NDRG4: variants seen among roughly 807,000 people sequenced by gnomAD.
NDRG4 encodes the protein NDRG family member 4.
Under a neutral mutation model 55.8 loss-of-function variants are expected in NDRG4, and 38 were observed. The ratio of observed to expected loss-of-function variants is 0.68; its 90% CI spans 0.53 to 0.89. The LOEUF (loss-of-function observed/expected upper bound fraction) is 0.89, where lower values mean the gene tolerates loss of function less well. Among genes scored for constraint, NDRG4 ranks in the 40% least tolerant of loss-of-function variants. The pLI is 0.00. For synonymous variants in NDRG4, 190 were observed against 182.7 expected, an observed-to-expected ratio of 1.04 and a Z score of -0.32; for missense variants, 455 against 468.6, an observed-to-expected ratio of 0.97 and a Z score of 0.27.
At chr16:58,506,858 C>T in intron 7 of NDRG4, 54 bp from the exon 8 acceptor site, 1 of 1,521,706 alleles carries the variant, frequency 6.6e-7, no homozygotes. Flanking sequence ...CCCTCTAAGC[C>T]TGCGTCCCTC....
rs144657641 is a variant in NDRG4, at chr16:58,482,592, C to T, written c.-23-5164C>T. 3.4e-3 allele frequency among the ~76,000 whole-genome samples: 520 copies of T among 152,134 alleles called. 7 individuals are homozygous for T. Among genetic ancestry groups the T allele is most frequent in the African/African-American group, 0.011 (477 of 41,490 alleles). The stretch of plus-strand genomic sequence containing the variant: ...AGTCACTGAGACCACCCAAATTCTC[C>T]GATGTATTTTCATTTTTTTTCTCCT... On this transcript the variant is annotated intron_variant, in intron 1 of 15. Coordinates refer to the NDRG4 transcript ENST00000258187.
In NDRG4 at chr16:58,511,963, G is replaced by A. The variant is rs752368752; in HGVS notation, c.*387G>A. The A allele has an allele frequency of 1.3e-5, 6 of 460,850 alleles. No homozygotes were observed. Among genetic ancestry groups the A allele is most frequent in the Middle Eastern group, 3.6e-4 (1 of 2,782 alleles). The allele number at this position is 460,850 out of a possible 1,614,324, so 28.5% of individuals were successfully genotyped here. A position where few individuals can be genotyped will look rare whatever the true frequency, so the allele number is the denominator to read the frequency against. ...GGTGGGTGCTGGGCCACAGGGGTGC[G>A]GGGCCAGCTCAGGCACTGGCGTGGG... On this transcript the variant is annotated 3_prime_UTR_variant, in exon 15 of 15. Transcript: ENST00000570248.
In NDRG4 at chr16:58,506,420, C is replaced by T; in HGVS notation, c.406C>T (p.Leu136=). ...CCCCGACCTGGTGGAGGGGCTGGTG[C>T]TGGTGAACATCGACCCCAATGGCAA... The part of the protein sequence containing the change: ...IFPDLVEGLV[L]VNIDPNGKGW... The change falls in exon 6 of 15, where the codon CTG becomes TTG. Residue 136 remains leucine, a synonymous_variant. Transcript: ENST00000570248. 5.6e-6 allele frequency: 9 copies of T among 1,612,492 alleles called. No individual in the cohort carries two copies. Among genetic ancestry groups the T allele is most frequent in the Non-Finnish European group, 7.6e-6 (9 of 1,179,474 alleles).
At position 58,511,564 on chromosome 16, in the gene NDRG4, G is replaced by A. The variant is rs771668771; in HGVS notation, c.1047G>A (p.Glu349=). 1.9e-6 allele frequency: 3 copies of A among 1,613,068 alleles called. No individual in the cohort carries two copies. The South Asian group carries it at 3.3e-5, about 18-fold the overall frequency. The change falls in exon 15 of 15, where the codon GAG becomes GAA. Residue 349 remains glutamate, a synonymous_variant. Transcript: ENST00000570248. ...TGGGCCAGGTCAACCACACCATGGA[G>A]GTGTCCTGTTGAAGCCCTTGATCCC... The part of the protein sequence containing the change: ...EGLGQVNHTM[E]VSC
Position 58,513,012 on chromosome 16 carries a change from T to C in NDRG4, c.*1436T>C, listed in dbSNP as rs1008067713. On this transcript the variant is annotated 3_prime_UTR_variant, in exon 15 of 15. Transcript: ENST00000570248. Reference sequence around the variant, plus strand: ...ACTAGCCTGGTGGCGTGTTAGTTTCTGCCCAGTTCTACCCCCTCATGTGCT... The same window carrying C: ...ACTAGCCTGGTGGCGTGTTAGTTTCCGCCCAGTTCTACCCCCTCATGTGCT... 6.5e-6 allele frequency: 1 copy of C among 152,748 alleles called. No individual in the cohort carries two copies. Among genetic ancestry groups the C allele is most frequent in the African/African-American group, 2.4e-5 (1 of 41,464 alleles). 9.5% of individuals were successfully genotyped at this position (152,748 alleles called of 1,614,324 possible).
At chr16:58,490,895 T>C (rs980814881) in intron 2 of NDRG4, among the ~76,000 whole-genome samples, 5 of 152,060 alleles carry the variant, frequency 3.3e-5, no homozygotes, top group Non-Finnish European at 7.4e-5. Context: ...GAGAATCACT[T>C]GAACCTGGGA....
intron 13 of NDRG4, among the ~76,000 whole-genome samples, chr16:58,509,987 T>C (rs887294784): frequency 6.6e-6 from 1 of 152,124 alleles, no homozygotes; most frequent in Non-Finnish European, 1.5e-5. Context: ...TCTCCTTGAC[T>C]TCCCCCTTCC....
intron 13 of NDRG4, among the ~76,000 whole-genome samples, chr16:58,509,896 T>C (rs2038559156): frequency 6.6e-6 from 1 of 152,162 alleles, no homozygotes; most frequent in African/African-American, 2.4e-5. Flanking sequence ...GCTTGGCAGA[T>C]CTGAAAATCT....
At chr16:58,495,969 G>A (rs1048239810), upstream of NDRG4, among the ~76,000 whole-genome samples, 4 of 152,172 alleles carry the variant, frequency 2.6e-5, no homozygotes, top group Admixed American at 6.5e-5. Context: ...AGGGACAGCC[G>A]GAGATCAGGG....
intron 1 of NDRG4, chr16:58,465,090 A>AGG: frequency 7.8e-7 from 1 of 1,284,696 alleles, no homozygotes; most frequent in South Asian, 1.3e-5. Context: ...GGGAGCAGGG[A>AGG]CGGGGGGGAG....
intron 1 of NDRG4, chr16:58,501,193 C>T (rs1019032538): frequency 2.2e-5 from 13 of 592,658 alleles, no homozygotes; most frequent in East Asian, 1.0e-4. Flanking sequence ...CCCGCACGCA[C>T]GGAGGTGACG....
intron 1 of NDRG4, 22 bp downstream of exon 1, chr16:58,500,291 A>T: frequency 1.3e-6 from 2 of 1,535,430 alleles, no homozygotes; most frequent in Non-Finnish European, 1.7e-6. Context: ...CGCTGCGGGC[A>T]TCAAGGTGGG....
chr16:58,471,060 G>T (rs1420560340), intron 1 of NDRG4, among the ~76,000 whole-genome samples: 1 of 152,088 alleles, frequency 6.6e-6, no homozygotes, highest in Non-Finnish European at 1.5e-5. Context: ...AGCTGGAAAA[G>T]GCAGGGGAAC....
intron 5 of NDRG4, among the ~76,000 whole-genome samples, chr16:58,505,327 C>G (rs965716827): frequency 7.5e-5 from 11 of 146,394 alleles, no homozygotes; most frequent in African/African-American, 1.5e-4. Flanking sequence ...CCAGCCTGGG[C>G]AACAGAGCGA....
rs2038942662 is a variant in NDRG4 at position 58,512,847 on chromosome 16, C to T, written c.*1271C>T. On this transcript the variant is annotated 3_prime_UTR_variant, in exon 15 of 15. Coordinates refer to ENST00000570248, the MANE Select transcript of NDRG4 (RefSeq NM_001242835.2). ...AGACCCTAAATCAATAATCACAAAC[C>T]CCAAAACGGGAGAGAGCAGTGAAAA... 1 of 152,792 alleles carries T rather than the reference C, an allele frequency of 6.5e-6. No homozygotes were observed. Among genetic ancestry groups the T allele is most frequent in the South Asian group, 2.1e-4 (1 of 4,830 alleles). 9.5% of individuals were successfully genotyped at this position (152,792 alleles called of 1,614,324 possible).
In NDRG4 at chr16:58,464,308, C is replaced by T; in HGVS notation, c.-24+511C>T. The T allele has an allele frequency of 1.2e-6, 1 of 823,442 alleles. No individual in the cohort carries two copies. Among genetic ancestry groups the T allele is most frequent in the Non-Finnish European group, 1.7e-6 (1 of 593,712 alleles). The allele number at this position is 823,442 out of a possible 1,614,324, so 51.0% of individuals were successfully genotyped here. On this transcript the variant is annotated intron_variant, in intron 1 of 15. Transcript: ENST00000258187. The surrounding 1 kb of genome is among the most constrained non-coding windows in gnomAD (Gnocchi z 4.8). The stretch of plus-strand genomic sequence containing the variant: ...GAGCGCTCCTGGCTGTGAGCTGCTC[C>T]TGCCGCTTCGCTCCGCGCTCTCCTG...
chr16:58,475,661 C>T (rs546680300), intron 1 of NDRG4: 1 of 455,976 alleles, frequency 2.2e-6, no homozygotes. Context: ...TTCTCAGGTA[C>T]CTTGACTCTT....
At chr16:58,472,938 G>A (rs1597066302) in intron 1 of NDRG4, among the ~76,000 whole-genome samples, 1 of 152,200 alleles carries the variant, frequency 6.6e-6, no homozygotes, top group Non-Finnish European at 1.5e-5. Context: ...CTTCTCATTG[G>A]CTTTGCTGCT....
intron 1 of NDRG4, chr16:58,502,084 C>T (rs772956115): frequency 7.6e-5 from 33 of 436,244 alleles, no homozygotes; most frequent in East Asian, 2.9e-4. Flanking sequence ...TTCAGTGCAC[C>T]GCCCTGGCCC....
Sources: gnomAD v4.1 joint callset for allele counts (sites outside exome capture counted in the v4.1 genomes callset) on GRCh38, gnomAD v4.1.1 for gene constraint, Gnocchi (gnomAD v3.1) non-coding constraint, MANE v1.5 for transcripts, NCBI Gene and HGNC (gene_info 2026-07-23, HGNC 2026-07-21) for gene names.